CLCN5: variants seen among roughly 807,000 people sequenced by gnomAD.
CLCN5 encodes Cl-/H+ antiporter 5, also known as H(+)/Cl(-) exchange transporter 5.
CLCN5 carries 17 observed loss-of-function variants against 54.0 expected under a neutral mutation model. The observed-to-expected ratio is 0.31, with a 90% confidence interval of 0.22 to 0.47. CLCN5 has a LOEUF of 0.47. Ranked by LOEUF, CLCN5 falls within the 20% of genes least tolerant of loss-of-function variation. The probability of loss-of-function intolerance (pLI) is 1.00; values close to 1 mark genes in which losing one functional copy is unlikely to be tolerated. For synonymous variants in CLCN5, 222 were observed against 233.0 expected, an observed-to-expected ratio of 0.95 and a Z score of 0.43; for missense variants, 448 against 646.7, an observed-to-expected ratio of 0.69 and a Z score of 3.33.
chrX:50,085,479 G>T (rs1933852513), intron 9 of CLCN5: 1 of 186,240 alleles, frequency 5.4e-6, no homozygotes, highest in East Asian at 1.4e-4. Flanking sequence ...AGGACACAGG[G>T]TACGAGAGAC....
chrX:50,027,724 G>GTT (rs200949603), intron 3 of CLCN5, among the ~76,000 whole-genome samples: 1,190 of 85,667 alleles, frequency 0.014, 37 homozygotes, highest in African/African-American at 0.05. Context: ...TTCATGCAGT[G>GTT]TTTTTTTTTT....
At chrX:50,063,023 A>G (rs1161600747) in intron 4 of CLCN5, among the ~76,000 whole-genome samples, 5 of 110,748 alleles carry the variant, frequency 4.5e-5, no homozygotes, top group African/African-American at 1.7e-4. Flanking sequence ...GTAGAGGGAA[A>G]TTTATAGCAC....
intron 3 of CLCN5, chrX:50,013,240 A>T: frequency 3.6e-6 from 1 of 277,106 alleles, no homozygotes; most frequent in South Asian, 3.6e-5. Context: ...AGAAGAATGA[A>T]CTGCTCCTTC....
intron 3 of CLCN5, among the ~76,000 whole-genome samples, chrX:49,955,055 C>A (rs1443172262): frequency 9.0e-6 from 1 of 110,809 alleles, no homozygotes; most frequent in African/African-American, 3.3e-5. Context: ...GGATCTGTTA[C>A]TAACTCGCCT....
At chrX:50,039,621 T>C (rs1411548870) in intron 3 of CLCN5, among the ~76,000 whole-genome samples, 4 of 112,390 alleles carry the variant, frequency 3.6e-5, no homozygotes, top group Non-Finnish European at 7.5e-5. Flanking sequence ...TGAGCCAGCA[T>C]GTGCCCGAAA....
chrX:49,948,632 C>T (rs11796265), intron 3 of CLCN5, among the ~76,000 whole-genome samples: 16,385 of 111,125 alleles, frequency 0.15, 1,095 homozygotes, highest in Middle Eastern at 0.27. Flanking sequence ...ATAGAATAAC[C>T]CTCTGTCAGT....
intron 5 of CLCN5, among the ~76,000 whole-genome samples, chrX:50,071,975 A>G (rs781812598): frequency 3.8e-4 from 42 of 111,604 alleles, no homozygotes; most frequent in Non-Finnish European, 7.0e-4. Context: ...ATGAAAAGAG[A>G]TACATCATTG....
chrX:50,004,536 G>A (rs1405286920), intron 3 of CLCN5, among the ~76,000 whole-genome samples: 1 of 110,941 alleles, frequency 9.0e-6, no homozygotes, highest in Non-Finnish European at 1.9e-5. Context: ...AATGGAAAAA[G>A]GGAAAGCTGA....
At chrX:50,043,629 T>A (rs1300713884) in intron 4 of CLCN5, among the ~76,000 whole-genome samples, 2 of 112,056 alleles carry the variant, frequency 1.8e-5, no homozygotes, top group African/African-American at 6.5e-5. Flanking sequence ...ATAGGCTGAT[T>A]ATTTGTTTTT....
chrX:49,958,306 G>C (rs1557174128), intron 3 of CLCN5, among the ~76,000 whole-genome samples: 1 of 110,458 alleles, frequency 9.1e-6, no homozygotes, highest in East Asian at 2.8e-4. Context: ...GCAATAGTTT[G>C]TTCCAGTGGC....
At chrX:50,008,955 G>C (rs1557182034) in intron 3 of CLCN5, 2 of 386,146 alleles carry the variant, frequency 5.2e-6, no homozygotes, top group Admixed American at 5.1e-5. Context: ...CTTCTTGTCT[G>C]CTCCCCCTCT....
rs782796642 is a variant in CLCN5, at chrX:50,088,915, C to T, written c.1744+31C>T. ...TAGTGTTTGCATTAATTTCAAGTTG[C>T]TACCCAGGTGACATACAACAGAAGA... On this transcript the variant is annotated intron_variant, in intron 12 of 14. Transcript: ENST00000376091. 4 of 1,162,800 alleles carry T rather than the reference C, an allele frequency of 3.4e-6. No individual in the cohort carries two copies. In the South Asian group the frequency reaches 7.2e-5, roughly 21 times the overall value.
intron 4 of CLCN5, among the ~76,000 whole-genome samples, chrX:50,060,267 T>A (rs895817053): frequency 9.1e-6 from 1 of 109,625 alleles, no homozygotes; most frequent in East Asian, 2.9e-4. Flanking sequence ...CACTAGGGAG[T>A]GCCAGAGAGT....
intron 14 of CLCN5, among the ~76,000 whole-genome samples, chrX:50,091,906 G>A (rs1159838117): frequency 9.0e-6 from 1 of 111,700 alleles, no homozygotes; most frequent in African/African-American, 3.3e-5. Flanking sequence ...GGAAATCGCA[G>A]GGTCTGAGAC....
At chrX:50,073,563 T>C (rs1261118435) in intron 6 of CLCN5, among the ~76,000 whole-genome samples, 6 of 112,170 alleles carry the variant, frequency 5.3e-5, no homozygotes, top group Non-Finnish European at 1.1e-4. Flanking sequence ...ATAGCACTTA[T>C]TAAGCACAGC....
At position 50,078,330 on chromosome X, in the gene CLCN5, T is replaced by TCA. The variant is rs781899764; in HGVS notation, c.604-2247_604-2246dup. On this transcript the variant is annotated intron_variant, in intron 7 of 14. Transcript: ENST00000376091. The stretch of plus-strand genomic sequence containing the variant: ...ACCTGGGCAATGGAGTGAGATCCTG[T>TCA]CACACACACACACACACAAAAGTAA... Among the ~76,000 whole-genome samples the TCA allele has an allele frequency of 5.0e-3, 551 of 109,341 alleles. 3 individuals carry two copies. Among genetic ancestry groups the TCA allele is most frequent in the East Asian group, 0.03 (105 of 3,455 alleles). 94.9% of individuals were successfully genotyped at this position (109,341 alleles called of 115,157 possible).
chrX:50,030,573 A>C (rs1931649185), intron 3 of CLCN5, among the ~76,000 whole-genome samples: 1 of 111,908 alleles, frequency 8.9e-6, no homozygotes, highest in South Asian at 3.7e-4. Flanking sequence ...CGTGTTAAAT[A>C]TAATTGGCAA....
chrX:50,072,616 A>T, intron 6 of CLCN5, 28 bp downstream of exon 6: 1 of 1,057,277 alleles, frequency 9.5e-7, no homozygotes, highest in Non-Finnish European at 1.3e-6. Flanking sequence ...TTTTCAAAAC[A>T]AATCTCCTAA....
At chrX:50,025,352 G>A (rs1367241715) in intron 3 of CLCN5, among the ~76,000 whole-genome samples, 2 of 82,652 alleles carry the variant, frequency 2.4e-5, no homozygotes, top group East Asian at 3.9e-4. Flanking sequence ...CACGGTGCGC[G>A]CACACACTGG....
Sources: allele counts gnomAD v4.1 joint callset (sites outside exome capture counted in the v4.1 genomes callset), GRCh38; gene constraint gnomAD v4.1.1; transcripts MANE v1.5; gene names NCBI Gene and HGNC (gene_info 2026-07-23, HGNC 2026-07-21).